Variants in MLIP observed in about 807,000 individuals in gnomAD.
MLIP encodes the protein muscular LMNA interacting protein, also known as muscular LMNA-interacting protein.
In MLIP, 79 loss-of-function variants were observed where a neutral mutation model predicts 84.8. The ratio of observed to expected loss-of-function variants is 0.93; its 90% CI spans 0.78 to 1.12. The LOEUF (loss-of-function observed/expected upper bound fraction) is 1.12. Among genes scored for constraint, MLIP ranks in the 50% most tolerant of loss-of-function variants. MLIP has a pLI of 0.00. For missense variants in MLIP, 1,257 were observed against 1,160.6 expected, an observed-to-expected ratio of 1.08 and a Z score of -1.21; for synonymous variants, 504 against 463.0, an observed-to-expected ratio of 1.09 and a Z score of -1.14.
chr6:54,053,206 A>G (rs941097139), intron 1 of MLIP, among the ~76,000 whole-genome samples: 2 of 152,194 alleles, frequency 1.3e-5, no homozygotes, highest in Admixed American at 6.6e-5. Context: ...AAGCACCACT[A>G]TGTTTTGTAC....
At chr6:54,190,099 G>A (rs1368733494) in intron 10 of MLIP, among the ~76,000 whole-genome samples, 185 bp downstream of exon 10, 3 of 152,110 alleles carry the variant, frequency 2.0e-5, no homozygotes, top group Admixed American at 6.5e-5. Flanking sequence ...ACAAACATAC[G>A]TAAAACTATA....
intron 9 of MLIP, among the ~76,000 whole-genome samples, chr6:54,175,145 C>T (rs1287296606): frequency 6.6e-6 from 1 of 151,912 alleles, no homozygotes; most frequent in Non-Finnish European, 1.5e-5. Flanking sequence ...GTTTTGGTTA[C>T]TATAGCTCTG....
intron 10 of MLIP, among the ~76,000 whole-genome samples, chr6:54,193,620 T>G (rs1168318753): frequency 2.0e-5 from 3 of 152,126 alleles, no homozygotes; most frequent in Non-Finnish European, 4.4e-5. Flanking sequence ...GAAGCATTAC[T>G]TTCACTGGGT....
intron 12 of MLIP, among the ~76,000 whole-genome samples, chr6:54,256,166 G>C (rs1486076565): frequency 6.6e-6 from 1 of 152,192 alleles, no homozygotes; most frequent in Admixed American, 6.6e-5. Context: ...GTTGGGAACA[G>C]AGTGTAAGGG....
At chr6:54,121,813 A>C (rs1241163587) in intron 2 of MLIP, among the ~76,000 whole-genome samples, 1 of 152,190 alleles carries the variant, frequency 6.6e-6, no homozygotes, top group Non-Finnish European at 1.5e-5. Flanking sequence ...TCAGTTTGAC[A>C]TCCTATTGTT....
intron 1 of MLIP, among the ~76,000 whole-genome samples, chr6:54,113,372 T>C (rs145653956): frequency 1.3e-5 from 2 of 152,294 alleles, no homozygotes; most frequent in South Asian, 4.1e-4. Context: ...AGATTAGTTA[T>C]GTGATGAAAC....
At chr6:54,111,779 G>A (rs1769486775) in intron 1 of MLIP, among the ~76,000 whole-genome samples, 1 of 152,282 alleles carries the variant, frequency 6.6e-6, no homozygotes, top group Non-Finnish European at 1.5e-5. Context: ...AAATGCTCAG[G>A]ATTGCCCTTG....
At position 54,259,914 on chromosome 6, in the gene MLIP, T is replaced by G. The variant is rs149316387; in HGVS notation, c.2976+2553T>G. ...ACCTTTTCTCTGTTATTTATTTACC[T>G]TCAACAACAACCAAGAAACATCAGT... On this transcript the variant is annotated intron_variant, in intron 13 of 13. Coordinates refer to ENST00000502396, the MANE Select transcript of MLIP (RefSeq NM_001281747.2). Among the ~76,000 whole-genome samples the G allele has an allele frequency of 8.2e-3, 1,245 of 151,994 alleles. 11 individuals are homozygous for G. The highest frequency in any genetic ancestry group is 0.013 in the Non-Finnish European group (891 of 67,848).
At position 54,065,930 on chromosome 6, in the gene MLIP, A is replaced by C. The variant is rs1042903596; in HGVS notation, c.63+46839A>C. ...TTTTTGATAAACTCTTCCAGTTTTC[A>C]TACATAATAAATTATATGTATATAC... On this transcript the variant is annotated intron_variant, in intron 1 of 12. Transcript: ENST00000274897. Among the ~76,000 whole-genome samples the C allele has an allele frequency of 1.0e-4, 10 of 99,678 alleles. 1 individual carries two copies. The highest frequency in any genetic ancestry group is 2.6e-4 in the African/African-American group (10 of 39,158). 65.4% of individuals were successfully genotyped at this position (99,678 alleles called of 152,430 possible).
intron 12 of MLIP, among the ~76,000 whole-genome samples, chr6:54,240,881 C>T (rs930260871): frequency 1.3e-5 from 2 of 152,032 alleles, no homozygotes; most frequent in Admixed American, 6.6e-5. Context: ...GAGGCTGAGG[C>T]GGGAGAATCG....
intron 7 of MLIP, 47 bp downstream of exon 7, chr6:54,160,646 C>G: frequency 6.5e-7 from 1 of 1,547,716 alleles, no homozygotes; most frequent in South Asian, 1.1e-5. Flanking sequence ...TGCTTTGCTT[C>G]TCTTCATTTT....
chr6:54,243,120 T>C (rs1280434487), intron 12 of MLIP, among the ~76,000 whole-genome samples: 1 of 152,188 alleles, frequency 6.6e-6, no homozygotes, highest in Non-Finnish European at 1.5e-5. Flanking sequence ...TAGTGATAAC[T>C]GTCACAACTG....
In MLIP at chr6:54,265,949, G is replaced by T. The variant is rs139203594; in HGVS notation, c.2977-1G>T. On this transcript the variant is annotated splice_acceptor_variant, in intron 13 of 13. Transcript: ENST00000502396. LOFTEE classifies it high-confidence loss of function. ...GACTACCATATTCTCTTATTTTACAGCAATGAAGTTGGAGCAGAGGCTGAA... is the reference window on the plus strand; with the variant it reads ...GACTACCATATTCTCTTATTTTACATCAATGAAGTTGGAGCAGAGGCTGAA... 5.6e-6 allele frequency: 9 copies of T among 1,611,088 alleles called. No homozygotes were observed. In the African/African-American group the frequency reaches 1.1e-4, roughly 19 times the overall value.
chr6:54,251,466 A>ATATATATATATATATATATC (rs1782479901), intron 12 of MLIP, among the ~76,000 whole-genome samples: 1 of 129,950 alleles, frequency 7.7e-6, no homozygotes, highest in Non-Finnish European at 1.6e-5. Flanking sequence ...ATATATATAT[A>ATATATATATATATATATATC]TCTGTCTCTC....
chr6:54,160,873 G>A, intron 8 of MLIP, 74 bp downstream of exon 8: 1 of 1,218,382 alleles, frequency 8.2e-7, no homozygotes. Flanking sequence ...TGCAAGTCAA[G>A]GTCCAATAGT....
Position 54,160,763 on chromosome 6 carries a change from G to T in MLIP, c.2463G>T (p.Arg821Ser). 1 of 1,599,634 alleles carries T rather than the reference G, an allele frequency of 6.3e-7. No homozygotes were observed. The highest frequency in any genetic ancestry group is 8.6e-7 in the Non-Finnish European group (1 of 1,169,470). Residue 821 changes from arginine to serine, a missense_variant, in exon 8 of 14, where the codon AGG becomes AGT. By Grantham distance (110) the Arg-to-Ser change is moderately radical (BLOSUM62 -1). Coordinates refer to ENST00000502396, the MANE Select transcript of MLIP (RefSeq NM_001281747.2). ...LSMHSSDSPS[R>S]SPKTLLGSDT... Reference sequence around the variant, plus strand: ...AGCATTCTTCTGATTCTCCTTCAAGGTCCCCAAAGACATTGTTGGGTTCTG... The same window carrying T: ...AGCATTCTTCTGATTCTCCTTCAAGTTCCCCAAAGACATTGTTGGGTTCTG...
At chr6:54,220,722 C>T (rs1010084017) in intron 11 of MLIP, among the ~76,000 whole-genome samples, 1 of 150,762 alleles carries the variant, frequency 6.6e-6, no homozygotes, top group Non-Finnish European at 1.5e-5. Flanking sequence ...ATGAAATACA[C>T]AGAAAGTGAC....
chr6:54,261,752 C>G, intron 13 of MLIP: 2 of 984,568 alleles, frequency 2.0e-6, no homozygotes, highest in Non-Finnish European at 2.4e-6. Flanking sequence ...GTGGAAGCCA[C>G]TCTCATTTTC....
At chr6:54,067,656 G>A (rs142397517) in intron 1 of MLIP, among the ~76,000 whole-genome samples, 2 of 101,074 alleles carry the variant, frequency 2.0e-5, no homozygotes, top group Middle Eastern at 4.7e-3. Context: ...GATTCTCTTA[G>A]GTTGAAGCGC....
Sources: gnomAD v4.1 joint callset for allele counts (sites outside exome capture counted in the v4.1 genomes callset) on GRCh38, gnomAD v4.1.1 for gene constraint, MANE v1.5 for transcripts, NCBI Gene and HGNC (gene_info 2026-07-23, HGNC 2026-07-21) for gene names.